Variants in OR10A6 observed in about 807,000 individuals in gnomAD.
OR10A6 encodes olfactory receptor family 10 subfamily A member 6 (gene/pseudogene).
Under a neutral mutation model 1.5 loss-of-function variants are expected in OR10A6, and 2 were observed. That is an observed-to-expected ratio of 1.31 (90% CI 0.54 to 4.13). The LOEUF is 4.13. Among genes scored for constraint, OR10A6 ranks in the 30% most tolerant of loss-of-function variants. The probability of loss-of-function intolerance (pLI) is 0.07; values close to 1 mark genes in which losing one functional copy is unlikely to be tolerated. For missense variants in OR10A6, 492 were observed against 368.6 expected, an observed-to-expected ratio of 1.33 and a Z score of -2.74; for synonymous variants, 169 against 137.3, an observed-to-expected ratio of 1.23 and a Z score of -1.61.
In OR10A6 at chr11:7,928,704, T is replaced by C. The variant is rs948551279; in HGVS notation, c.-42A>G. 7 of 1,412,820 alleles carry C rather than the reference T, an allele frequency of 5.0e-6. No homozygotes were observed. The highest frequency in any genetic ancestry group is 6.7e-6 in the Non-Finnish European group (7 of 1,038,576). 87.5% of individuals were successfully genotyped at this position (1,412,820 alleles called of 1,614,324 possible). On this transcript the variant is annotated 5_prime_UTR_variant, in exon 4 of 4. The change creates a new upstream start codon in the 5' untranslated region. Transcript: ENST00000641238. ...GTGCATTGATTTTATGGACATAGTA[T>C]ATACAGAATAAAGCCACAGTCCATT...
Position 7,928,034 on chromosome 11 carries a change from G to A in OR10A6, c.629C>T (p.Pro210Leu). Residue 210 changes from proline (P) to leucine (L), a missense_variant, in exon 4 of 4, where the codon CCT becomes CTT. Transcript: ENST00000641238. Reference sequence around the variant, plus strand: ...GTAAGACAAGAGTATCAACAAGAAAGGAACCAAAATAATCAAAAAGGTGCC... The same window carrying A: ...GTAAGACAAGAGTATCAACAAGAAAAGAACCAAAATAATCAAAAAGGTGCC... ...FTGTFLIILV[P>L]FLLILLSYIR... 6.2e-7 allele frequency: 1 copy of A among 1,613,862 alleles called. No individual in the cohort carries two copies. Among genetic ancestry groups the A allele is most frequent in the Non-Finnish European group, 8.5e-7 (1 of 1,179,958 alleles).
chr11:7,928,642 G>A lies in OR10A6; in HGVS notation c.21C>T (p.Ser7=), dbSNP rs1028990552. 1.2e-6 allele frequency: 2 copies of A among 1,602,010 alleles called. No homozygotes were observed. Among genetic ancestry groups the A allele is most frequent in the East Asian group, 4.5e-5 (2 of 44,774 alleles). ...CCAAGAGGATGAATTCAACCACACA[G>A]CTTTGATTTTGTCTTTCCATTTTCA... MERQNQ[S]CVVEFILLGF... is the part of the protein sequence containing the mutation. Residue 7 remains serine, a synonymous_variant, in exon 4 of 4, where the codon AGC becomes AGT. Coordinates refer to ENST00000641238, the MANE Select transcript of OR10A6 (RefSeq NM_001004461.2).
At position 7,927,832 on chromosome 11, in the gene OR10A6, A is replaced by G; in HGVS notation, c.831T>C (p.Ser277=). 1 of 1,613,768 alleles carries G rather than the reference A, an allele frequency of 6.2e-7. No homozygotes were observed. Among genetic ancestry groups the G allele is most frequent in the Non-Finnish European group, 8.5e-7 (1 of 1,179,744 alleles). ...TCAGCAGTGGTGTCAGAAGTGAGTA[A>G]GACAATGACATCACTTTCTTGGTTT... ...SPETKKVMSL[S]YSLLTPLLNL... The change falls in exon 4 of 4, where the codon TCT becomes TCC. Residue 277 remains serine (S), a synonymous_variant. Transcript: ENST00000641238.
In OR10A6 at chr11:7,928,584, G is replaced by A; in HGVS notation, c.79C>T (p.Leu27Phe). 6.2e-7 allele frequency: 1 copy of A among 1,613,792 alleles called. No homozygotes were observed. The highest frequency in any genetic ancestry group is 1.1e-5 in the South Asian group (1 of 91,050). Residue 27 changes from leucine to phenylalanine, a missense_variant, in exon 4 of 4, where the codon CTC becomes TTC. Coordinates refer to ENST00000641238, the MANE Select transcript of OR10A6 (RefSeq NM_001004461.2). ...TAAATAACCAGGAAAGCCACAAAGAGCTGCCCCTGGAGCTCAGGATAGTTA... is the reference window on the plus strand; with the variant it reads ...TAAATAACCAGGAAAGCCACAAAGAACTGCCCCTGGAGCTCAGGATAGTTA... ...FSNYPELQGQ[L>F]FVAFLVIYLV...
Position 7,928,132 on chromosome 11 carries a change from T to TA in OR10A6, c.530dup (p.Ser178IlefsTer3). On this transcript the variant is annotated frameshift_variant, in exon 4 of 4. Coordinates refer to ENST00000641238, the MANE Select transcript of OR10A6 (RefSeq NM_001004461.2). LOFTEE classifies it low-confidence loss of function (END_TRUNC). Reference sequence around the variant, plus strand: ...CTAACACTGCTGGGGTTTCACAAGATATATGGTTAATTTCATTAAGGCCAC... The same window carrying TA: ...CTAACACTGCTGGGGTTTCACAAGATAATATGGTTAATTTCATTAAGGCCAC... 1 of 1,614,032 alleles carries TA rather than the reference T, an allele frequency of 6.2e-7. No individual in the cohort carries two copies. The highest frequency in any genetic ancestry group is 8.5e-7 in the Non-Finnish European group (1 of 1,179,994).
Position 7,929,966 on chromosome 11 carries a change from G to GTGTATATATA in OR10A6, c.-1305_-1304insTATATATACA, listed in dbSNP as rs1289108102. 96 of 57,212 alleles carry GTGTATATATA rather than the reference G, an allele frequency of 1.7e-3. No individual in the cohort carries two copies. Among genetic ancestry groups the GTGTATATATA allele is most frequent in the African/African-American group, 6.4e-3 (91 of 14,228 alleles). The allele number at this position is 57,212 out of a possible 1,614,324, so 3.5% of individuals were successfully genotyped here. On this transcript the variant is annotated 5_prime_UTR_variant, in exon 4 of 4. Coordinates refer to ENST00000641238, the MANE Select transcript of OR10A6 (RefSeq NM_001004461.2). ...TCTAGTAAGGTATGTGTATGTGTAT[G>GTGTATATATA]TATATATATATATATATATATATAT...
In OR10A6 at chr11:7,926,662, G is replaced by A. The variant is rs1859407567; in HGVS notation, c.*1056C>T. Reference sequence around the variant, plus strand: ...AATGAAGGGTGTTGTCAACTCCTTTGATATAGATTTAATGAGAAGAACCCT... The same window carrying A: ...AATGAAGGGTGTTGTCAACTCCTTTAATATAGATTTAATGAGAAGAACCCT... On this transcript the variant is annotated 3_prime_UTR_variant, in exon 4 of 4. Coordinates refer to ENST00000641238, the MANE Select transcript of OR10A6 (RefSeq NM_001004461.2). The A allele has an allele frequency of 6.6e-6, 1 of 152,082 alleles. No homozygotes were observed. The highest frequency in any genetic ancestry group is 2.4e-5 in the African/African-American group (1 of 41,394). 9.4% of individuals were successfully genotyped at this position (152,082 alleles called of 1,614,324 possible). A position where few individuals can be genotyped will look rare whatever the true frequency, so the allele number is the denominator to read the frequency against.
rs917046230 is a variant in OR10A6, at chr11:7,928,530, T to C, written c.133A>G (p.Ile45Val). 1.2e-6 allele frequency: 2 copies of C among 1,613,800 alleles called. No individual in the cohort carries two copies. The highest frequency in any genetic ancestry group is 1.7e-4 in the Middle Eastern group (1 of 6,060). Residue 45 changes from isoleucine to valine, a missense_variant, in exon 4 of 4, where the codon ATT (isoleucine) becomes GTT (valine). Coordinates refer to ENST00000641238, the MANE Select transcript of OR10A6 (RefSeq NM_001004461.2). ...YLVTLIGNAIIIVIVSLDQSL... is the reference protein window; with the variant it reads ...YLVTLIGNAIVIVIVSLDQSL... ...TGGTCTAGGGAGACGATGACTATAA[T>C]AATGGCATTTCCTATCAGGGTCACC...
chr11:7,928,522 G>A lies in OR10A6; in HGVS notation c.141C>T (p.Val47=). Residue 47 remains valine, a synonymous_variant, in exon 4 of 4, where the codon GTC becomes GTT. Coordinates refer to ENST00000641238, the MANE Select transcript of OR10A6 (RefSeq NM_001004461.2). ...GGAGGCTCTGGTCTAGGGAGACGAT[G>A]ACTATAATAATGGCATTTCCTATCA... ...VTLIGNAIII[V]IVSLDQSLHV... 2.5e-6 allele frequency: 4 copies of A among 1,613,850 alleles called. No individual in the cohort carries two copies. In the African/African-American group the frequency reaches 5.3e-5, roughly 22 times the overall value.
In OR10A6 at chr11:7,926,487, CTT is replaced by C. The variant is rs1307765830; in HGVS notation, c.*1229_*1230del. On this transcript the variant is annotated 3_prime_UTR_variant, in exon 4 of 4. Coordinates refer to ENST00000641238, the MANE Select transcript of OR10A6 (RefSeq NM_001004461.2). ...AGCCTTCTTCTCATGAAATTTCTCT[CTT>C]TTTTTGAAATTCAAATAGATTTGCA... 1.3e-5 allele frequency: 2 copies of C among 152,136 alleles called. No individual in the cohort carries two copies. Among genetic ancestry groups the C allele is most frequent in the African/African-American group, 4.8e-5 (2 of 41,414 alleles). The allele number at this position is 152,136 out of a possible 1,614,324, so 9.4% of individuals were successfully genotyped here.
rs1434035306 is a variant in OR10A6, at chr11:7,927,962, C to G, written c.701G>C (p.Arg234Thr). ...GGCACAGGTGGAAAAGGCCTTTTGT[C>G]TCCCAGTGGTTGATGGCATCTTCAG... The part of the protein sequence containing the change: ...AILKMPSTTG[R>T]QKAFSTCAAH... Residue 234 changes from arginine to threonine, a missense_variant, in exon 4 of 4, where the codon AGA becomes ACA. Physicochemically the swap from Arg to Thr is moderately conservative, Grantham distance 71. Transcript: ENST00000641238. 6 of 1,613,800 alleles carry G rather than the reference C, an allele frequency of 3.7e-6. No individual in the cohort carries two copies. The highest frequency in any genetic ancestry group is 5.1e-6 in the Non-Finnish European group (6 of 1,179,984).
In OR10A6 at chr11:7,928,327, A is replaced by G. The variant is rs373511052; in HGVS notation, c.336T>C (p.Cys112=). Residue 112 remains cysteine (C), a synonymous_variant, in exon 4 of 4, where the codon TGT becomes TGC. Transcript: ENST00000641238. ...CATAAGCCATTGCTCCCAGAAGAAA[A>G]CATTCAGCCCCACCAAAAAGAAGGA... The part of the protein sequence containing the change: ...YFILLFGGAE[C]FLLGAMAYDR... 5 of 1,613,956 alleles carry G rather than the reference A, an allele frequency of 3.1e-6. No individual in the cohort carries two copies. Among genetic ancestry groups the G allele is most frequent in the Non-Finnish European group, 4.2e-6 (5 of 1,179,990 alleles).
rs1204097102 is a variant in OR10A6, at chr11:7,929,962, G to GTATATATATATATATATATATATATATA, written c.-1301_-1300insTATATATATATATATATATATATATATA. 6 of 24,810 alleles carry GTATATATATATATATATATATATATATA rather than the reference G, an allele frequency of 2.4e-4. No homozygotes were observed. Among genetic ancestry groups the GTATATATATATATATATATATATATATA allele is most frequent in the African/African-American group, 7.0e-4 (4 of 5,752 alleles). 1.5% of individuals were successfully genotyped at this position (24,810 alleles called of 1,614,324 possible). On this transcript the variant is annotated 5_prime_UTR_variant, in exon 4 of 4. Coordinates refer to ENST00000641238, the MANE Select transcript of OR10A6 (RefSeq NM_001004461.2). ...AAGCTCTAGTAAGGTATGTGTATGT[G>GTATATATATATATATATATATATATATA]TATGTATATATATATATATATATAT...
rs1178653290 is a variant in OR10A6 at position 7,926,628 on chromosome 11, C to G, written c.*1090G>C. 1 of 152,130 alleles carries G rather than the reference C, an allele frequency of 6.6e-6. No individual in the cohort carries two copies. The highest frequency in any genetic ancestry group is 2.4e-5 in the African/African-American group (1 of 41,428). 9.4% of individuals were successfully genotyped at this position (152,130 alleles called of 1,614,324 possible). A position where few individuals can be genotyped will look rare whatever the true frequency, so the allele number is the denominator to read the frequency against. On this transcript the variant is annotated 3_prime_UTR_variant, in exon 4 of 4. Transcript: ENST00000641238. The stretch of plus-strand genomic sequence containing the variant: ...CGCTTTATTACCCCACCTCCACCCC[C>G]AGAGCAGAAATGAAGGGTGTTGTCA...
At position 7,930,074 on chromosome 11, in the gene OR10A6, AACC is replaced by A. The variant is rs1859507092; in HGVS notation, c.-1415_-1413del. ...GCTCTACACACACTGCCTACACTAC[AACC>A]CTCCCTGGCTCATAATAGGTTTTAA... On this transcript the variant is annotated 5_prime_UTR_variant, in exon 4 of 4. Transcript: ENST00000641238. The A allele has an allele frequency of 8.0e-6, 1 of 125,516 alleles. No homozygotes were observed. Among genetic ancestry groups the A allele is most frequent in the Non-Finnish European group, 1.7e-5 (1 of 59,252 alleles). The allele number at this position is 125,516 out of a possible 1,614,324, so 7.8% of individuals were successfully genotyped here. A position where few individuals can be genotyped will look rare whatever the true frequency, so the allele number is the denominator to read the frequency against.
chr11:7,928,476 G>A lies in OR10A6; in HGVS notation c.187C>T (p.Leu63Phe). 1 of 1,613,890 alleles carries A rather than the reference G, an allele frequency of 6.2e-7. No homozygotes were observed. Among genetic ancestry groups the A allele is most frequent in the Middle Eastern group, 1.7e-4 (1 of 6,056 alleles). The change falls in exon 4 of 4, where the codon CTC (leucine) becomes TTC (phenylalanine). Residue 63 changes from leucine (L) to phenylalanine (F), a missense_variant. Transcript: ENST00000641238. Reference sequence around the variant, plus strand: ...AGGTCCACCACAGATAAGTTCAGGAGAAACAGGTACATGGGAACGTGGAGG... The same window carrying A: ...AGGTCCACCACAGATAAGTTCAGGAAAAACAGGTACATGGGAACGTGGAGG... ...QSLHVPMYLF[L>F]LNLSVVDLSF...
In OR10A6 at chr11:7,927,160, C is replaced by T. The variant is rs907349642; in HGVS notation, c.*558G>A. 2 of 152,126 alleles carry T rather than the reference C, an allele frequency of 1.3e-5. No individual in the cohort carries two copies. The highest frequency in any genetic ancestry group is 2.9e-5 in the Non-Finnish European group (2 of 68,032). 9.4% of individuals were successfully genotyped at this position (152,126 alleles called of 1,614,324 possible). Reference sequence around the variant, plus strand: ...ACATTGTGTTCCTCTCAATAAATAACTGTTCTTTCCTACTTATGTATGGAA... The same window carrying T: ...ACATTGTGTTCCTCTCAATAAATAATTGTTCTTTCCTACTTATGTATGGAA... On this transcript the variant is annotated 3_prime_UTR_variant, in exon 4 of 4. Coordinates refer to ENST00000641238, the MANE Select transcript of OR10A6 (RefSeq NM_001004461.2).
chr11:7,929,960 GTGTA>G lies in OR10A6; in HGVS notation c.-1302_-1299del, dbSNP rs1436681301. ...ATAAGCTCTAGTAAGGTATGTGTAT[GTGTA>G]TGTATATATATATATATATATATAT... On this transcript the variant is annotated 5_prime_UTR_variant, in exon 4 of 4. Transcript: ENST00000641238. 4.2e-4 allele frequency: 8 copies of G among 19,112 alleles called. No individual in the cohort carries two copies. The highest frequency in any genetic ancestry group is 2.6e-3 in the South Asian group (1 of 392). The allele number at this position is 19,112 out of a possible 1,614,324, so 1.2% of individuals were successfully genotyped here. A position where few individuals can be genotyped will look rare whatever the true frequency, so the allele number is the denominator to read the frequency against.
Position 7,925,565 on chromosome 11 carries a change from T to C in OR10A6, c.*2153A>G, listed in dbSNP as rs1179593381. 7.4e-6 allele frequency: 1 copy of C among 134,492 alleles called. No homozygotes were observed. Among genetic ancestry groups the C allele is most frequent in the African/African-American group, 2.6e-5 (1 of 38,412 alleles). 8.3% of individuals were successfully genotyped at this position (134,492 alleles called of 1,614,324 possible). A position where few individuals can be genotyped will look rare whatever the true frequency, so the allele number is the denominator to read the frequency against. On this transcript the variant is annotated 3_prime_UTR_variant, in exon 4 of 4. Coordinates refer to ENST00000641238, the MANE Select transcript of OR10A6 (RefSeq NM_001004461.2). Reference sequence around the variant, plus strand: ...AGATTTAGCTCTCTTAAGACATTTTTATAAAGAATTTTTTTTAAGAAAAAA... The same window carrying C: ...AGATTTAGCTCTCTTAAGACATTTTCATAAAGAATTTTTTTTAAGAAAAAA...
Sources: gnomAD v4.1 joint callset for allele counts on GRCh38, gnomAD v4.1.1 for gene constraint, MANE v1.5 for transcripts, NCBI Gene and HGNC (gene_info 2026-07-23, HGNC 2026-07-21) for gene names.